ST8SIA1: variants seen among roughly 807,000 people sequenced by gnomAD.
ST8SIA1 encodes the protein ST8 alpha-N-acetyl-neuraminide alpha-2,8-sialyltransferase 1, also known as alpha-N-acetylneuraminide alpha-2,8-sialyltransferase.
A neutral mutation model predicts 35.9 loss-of-function variants in ST8SIA1; 16 were observed. The ratio of observed to expected loss-of-function variants is 0.45; its 90% CI spans 0.30 to 0.68. The LOEUF is 0.68. Ranked by LOEUF, ST8SIA1 falls within the 30% of genes least tolerant of loss-of-function variation. The pLI is 0.09. For synonymous variants in ST8SIA1, 170 were observed against 169.6 expected, an observed-to-expected ratio of 1.00 and a Z score of -0.02; for missense variants, 383 against 453.6, an observed-to-expected ratio of 0.84 and a Z score of 1.41.
chr12:22,313,579 T>C (rs1359968672), intron 1 of ST8SIA1, among the ~76,000 whole-genome samples: 2 of 152,142 alleles, frequency 1.3e-5, no homozygotes, highest in African/African-American at 4.8e-5. Context: ...TTTCAGTGAA[T>C]CTAGACAACT....
chr12:22,264,096 T>A (rs115500979), intron 2 of ST8SIA1, among the ~76,000 whole-genome samples: 4 of 152,156 alleles, frequency 2.6e-5, no homozygotes, highest in Non-Finnish European at 4.4e-5. Context: ...TCCACACACA[T>A]AATTTAATTT....
chr12:22,283,246 T>G (rs1029389003), intron 2 of ST8SIA1, among the ~76,000 whole-genome samples: 1 of 152,184 alleles, frequency 6.6e-6, no homozygotes, highest in Non-Finnish European at 1.5e-5. Flanking sequence ...TGTAAGAGAA[T>G]GGACAGCCAA....
intron 2 of ST8SIA1, among the ~76,000 whole-genome samples, chr12:22,266,848 TACACAC>T (rs145606826): frequency 1.0e-3 from 150 of 145,050 alleles, no homozygotes; most frequent in Middle Eastern, 3.5e-3. Flanking sequence ...CACAAAAGTA[TACACAC>T]ACACACACAC....
chr12:22,279,513 CAGT>C (rs1373315348), intron 2 of ST8SIA1, among the ~76,000 whole-genome samples: 1 of 152,168 alleles, frequency 6.6e-6, no homozygotes, highest in Non-Finnish European at 1.5e-5. Context: ...TTCTTCTGAC[CAGT>C]ACCCTTGGAA....
chr12:22,221,980 A>G (rs1489236050), intron 4 of ST8SIA1, among the ~76,000 whole-genome samples: 2 of 152,174 alleles, frequency 1.3e-5, no homozygotes, highest in Non-Finnish European at 2.9e-5. Context: ...AATGGAAAAG[A>G]AAGTTAAAAA....
In ST8SIA1 at chr12:22,198,522, TACACACAC is replaced by T. The variant is rs3063791; in HGVS notation, c.*3022_*3029del. The T allele has an allele frequency of 3.7e-3, 497 of 133,058 alleles. 2 individuals are homozygous for T. The highest frequency in any genetic ancestry group is 0.011 in the East Asian group (47 of 4,464). The allele number at this position is 133,058 out of a possible 1,614,324, so 8.2% of individuals were successfully genotyped here. A position where few individuals can be genotyped will look rare whatever the true frequency, so the allele number is the denominator to read the frequency against. On this transcript the variant is annotated 3_prime_UTR_variant, in exon 5 of 5. Coordinates refer to ENST00000396037, the MANE Select transcript of ST8SIA1 (RefSeq NM_003034.4). Reference sequence around the variant, plus strand: ...AGGATAGAGATGCCTAACTTCATGCTACACACACACACACACACACACACACACACACA... The same window carrying T: ...AGGATAGAGATGCCTAACTTCATGCTACACACACACACACACACACACACA...
chr12:22,317,809 C>A (rs528649653), intron 1 of ST8SIA1, among the ~76,000 whole-genome samples: 1 of 152,302 alleles, frequency 6.6e-6, no homozygotes, highest in South Asian at 2.1e-4. Flanking sequence ...GGCATGAATA[C>A]CAGGAGTGGG....
intron 4 of ST8SIA1, among the ~76,000 whole-genome samples, chr12:22,225,259 G>A (rs951202902): frequency 2.0e-5 from 3 of 152,126 alleles, no homozygotes; most frequent in South Asian, 2.1e-4. Context: ...CTAATAAAAT[G>A]ATTATACAGT....
intron 2 of ST8SIA1, among the ~76,000 whole-genome samples, chr12:22,262,788 A>G (rs1865806915): frequency 6.6e-6 from 1 of 152,242 alleles, no homozygotes; most frequent in Non-Finnish European, 1.5e-5. Context: ...GCTGCCTTTG[A>G]GGCATGTCTA....
chr12:22,249,356 C>A (rs1020508235), intron 3 of ST8SIA1, among the ~76,000 whole-genome samples: 4 of 151,584 alleles, frequency 2.6e-5, no homozygotes, highest in Non-Finnish European at 5.9e-5. Context: ...GTAGCTGGGA[C>A]TACAGGCACC....
chr12:22,262,401 A>C (rs535864139), intron 2 of ST8SIA1, among the ~76,000 whole-genome samples: 1 of 152,310 alleles, frequency 6.6e-6, no homozygotes, highest in Admixed American at 6.5e-5. Flanking sequence ...TGCAATCCAC[A>C]CAAAGCAACA....
In ST8SIA1 at chr12:22,199,626, A is replaced by G. The variant is rs923750966; in HGVS notation, c.*1926T>C. 2.1e-4 allele frequency: 32 copies of G among 152,284 alleles called. No homozygotes were observed. The highest frequency in any genetic ancestry group is 7.5e-4 in the African/African-American group (31 of 41,574). The allele number at this position is 152,284 out of a possible 1,614,324, so 9.4% of individuals were successfully genotyped here. A position where few individuals can be genotyped will look rare whatever the true frequency, so the allele number is the denominator to read the frequency against. On this transcript the variant is annotated 3_prime_UTR_variant, in exon 5 of 5. Coordinates refer to ENST00000396037, the MANE Select transcript of ST8SIA1 (RefSeq NM_003034.4). ...TCTAAGTAACATTATAATCTGCACTATCAACAAGTCATATTTTAAATTCTA... is the reference window on the plus strand; with the variant it reads ...TCTAAGTAACATTATAATCTGCACTGTCAACAAGTCATATTTTAAATTCTA...
intron 1 of ST8SIA1, among the ~76,000 whole-genome samples, chr12:22,311,764 A>C (rs1866451871): frequency 6.6e-6 from 1 of 152,186 alleles, no homozygotes; most frequent in African/African-American, 2.4e-5. Context: ...CAGAATCACC[A>C]GTACTTGGCA....
At chr12:22,256,839 A>G (rs1017676085) in intron 2 of ST8SIA1, among the ~76,000 whole-genome samples, 1 of 152,240 alleles carries the variant, frequency 6.6e-6, no homozygotes, top group Non-Finnish European at 1.5e-5. Flanking sequence ...GACCAGCCCA[A>G]CAAACATCAG....
At chr12:22,320,674 T>A (rs1425281444) in intron 1 of ST8SIA1, among the ~76,000 whole-genome samples, 3 of 151,788 alleles carry the variant, frequency 2.0e-5, no homozygotes, top group Non-Finnish European at 4.4e-5. Context: ...GGGAGATCCC[T>A]TCTCTACAAA....
intron 1 of ST8SIA1, among the ~76,000 whole-genome samples, chr12:22,288,542 CG>C (rs1198279626): frequency 6.6e-6 from 1 of 152,172 alleles, no homozygotes; most frequent in African/African-American, 2.4e-5. Context: ...GCAGGAGCCC[CG>C]CGGTGTGGGC....
At chr12:22,276,335 A>C (rs1289038128) in intron 2 of ST8SIA1, among the ~76,000 whole-genome samples, 3 of 152,064 alleles carry the variant, frequency 2.0e-5, no homozygotes, top group Non-Finnish European at 2.9e-5. Context: ...CTGTGTGAAC[A>C]CTCGGGATTT....
Position 22,209,781 on chromosome 12 carries a change from A to G in ST8SIA1, c.585-7743T>C, listed in dbSNP as rs535194048. Among the ~76,000 whole-genome samples, 4 of 152,020 alleles carry G rather than the reference A, an allele frequency of 2.6e-5. No homozygotes were observed. In the South Asian group the frequency reaches 8.3e-4, roughly 32 times the overall value. On this transcript the variant is annotated intron_variant, in intron 4 of 4. Coordinates refer to ENST00000396037, the MANE Select transcript of ST8SIA1 (RefSeq NM_003034.4). ...ACAACATCTTTGTTGTATTCTTTTT[A>G]TATTTTCTTCCTCAGATATATTTTA... is the stretch of plus-strand genomic sequence containing the variant.
intron 4 of ST8SIA1, 108 bp from the exon 5 acceptor site, chr12:22,202,146 A>G: frequency 1.1e-6 from 1 of 917,948 alleles, no homozygotes; most frequent in East Asian, 2.6e-5. Flanking sequence ...CATCTCAATG[A>G]AACACATGAA....
Sources: allele counts gnomAD v4.1 joint callset (sites outside exome capture counted in the v4.1 genomes callset), GRCh38; gene constraint gnomAD v4.1.1; transcripts MANE v1.5; gene names NCBI Gene and HGNC (gene_info 2026-07-23, HGNC 2026-07-21).